The following ZMAT4 variants were observed in gnomAD, a reference collection of about 807,000 sequenced individuals.
ZMAT4 encodes the protein zinc finger matrin-type protein 4.
A neutral mutation model predicts 28.7 loss-of-function variants in ZMAT4; 17 were observed. The observed-to-expected ratio is 0.59, with a 90% CI of 0.41 to 0.89. ZMAT4 has a LOEUF of 0.89. Among genes scored for constraint, ZMAT4 ranks in the 40% least tolerant of loss-of-function variants. The pLI is 0.00. For synonymous variants in ZMAT4, 117 were observed against 109.2 expected (o/e 1.07, Z -0.44); for missense variants, 240 against 283.8 (o/e 0.85, Z 1.11).
intron 3 of ZMAT4, among the ~76,000 whole-genome samples, chr8:40,710,603 C>T (rs1193591276): frequency 6.6e-6 from 1 of 151,500 alleles, no homozygotes; most frequent in Non-Finnish European, 1.5e-5. Context: ...CAAAAAGAAA[C>T]CCAGCCTTTT....
chr8:40,865,071 G>A (rs1164710136), intron 1 of ZMAT4, among the ~76,000 whole-genome samples: 1 of 152,046 alleles, frequency 6.6e-6, no homozygotes, highest in Non-Finnish European at 1.5e-5. Flanking sequence ...AATCTTACTG[G>A]CAAATTTTGA....
intron 6 of ZMAT4, among the ~76,000 whole-genome samples, chr8:40,532,861 T>C (rs1802735440): frequency 6.6e-6 from 1 of 151,818 alleles, no homozygotes; most frequent in South Asian, 2.1e-4. Flanking sequence ...CTGGGCATGG[T>C]AGCATGCCTG....
At chr8:40,790,741 T>C (rs761756998) in intron 2 of ZMAT4, among the ~76,000 whole-genome samples, 19 of 152,220 alleles carry the variant, frequency 1.2e-4, no homozygotes, top group Non-Finnish European at 2.2e-4. Flanking sequence ...GCAATTCCAA[T>C]GAAAACCTCT....
At chr8:40,624,493 T>C (rs1806303410) in intron 5 of ZMAT4, among the ~76,000 whole-genome samples, 2 of 152,250 alleles carry the variant, frequency 1.3e-5, no homozygotes, top group Non-Finnish European at 2.9e-5. Flanking sequence ...TCCACCTTCC[T>C]TTCCAAATTA....
At chr8:40,753,753 A>G (rs774474828) in intron 3 of ZMAT4, among the ~76,000 whole-genome samples, 11 of 152,236 alleles carry the variant, frequency 7.2e-5, no homozygotes, top group Admixed American at 1.3e-4. Context: ...TGTATCACCT[A>G]CAAGGTGTGT....
chr8:40,830,517 T>A (rs1326742332), intron 1 of ZMAT4, among the ~76,000 whole-genome samples: 3 of 152,208 alleles, frequency 2.0e-5, no homozygotes. Flanking sequence ...TATTTCATTC[T>A]TTTTGTGGTT....
At chr8:40,855,675 A>G (rs996041518) in intron 1 of ZMAT4, among the ~76,000 whole-genome samples, 2 of 141,388 alleles carry the variant, frequency 1.4e-5, no homozygotes, top group South Asian at 2.3e-4. Context: ...TCTGTTCACC[A>G]AAACTTTTTT....
intron 1 of ZMAT4, among the ~76,000 whole-genome samples, chr8:40,839,900 C>A (rs915179462): frequency 6.6e-6 from 1 of 152,174 alleles, no homozygotes; most frequent in Non-Finnish European, 1.5e-5. Context: ...ATGCATGTAA[C>A]AAAACTGTGC....
chr8:40,612,866 G>A (rs1219216139), intron 5 of ZMAT4, among the ~76,000 whole-genome samples: 3 of 142,624 alleles, frequency 2.1e-5, no homozygotes, highest in Non-Finnish European at 4.5e-5. Flanking sequence ...AGGCTGGAGT[G>A]CAATGACGTG....
chr8:40,778,097 C>T (rs571183881), intron 2 of ZMAT4, among the ~76,000 whole-genome samples: 4 of 152,256 alleles, frequency 2.6e-5, no homozygotes, highest in African/African-American at 7.2e-5. Context: ...ACAAAACTCG[C>T]TTTAAACAGA....
intron 3 of ZMAT4, among the ~76,000 whole-genome samples, chr8:40,704,813 A>G (rs1045525090): frequency 1.8e-4 from 27 of 152,214 alleles, no homozygotes; most frequent in Admixed American, 5.2e-4. Flanking sequence ...GCTTTGTCTT[A>G]GGAAAAGGCC....
chr8:40,875,651 G>A lies in ZMAT4; in HGVS notation c.-5+22032C>T, dbSNP rs189837652. Reference sequence around the variant, plus strand: ...GGGTGTGTGAACTGACAGAGTCAGCGCTTCAGCCCCAGGGCACCGCCAAGC... The same window carrying A: ...GGGTGTGTGAACTGACAGAGTCAGCACTTCAGCCCCAGGGCACCGCCAAGC... On this transcript the variant is annotated intron_variant, in intron 1 of 6. Coordinates refer to ENST00000297737, the MANE Select transcript of ZMAT4 (RefSeq NM_024645.3). 1.6e-4 allele frequency among the ~76,000 whole-genome samples: 25 copies of A among 152,176 alleles called. No homozygotes were observed. The East Asian group carries it at 3.3e-3, about 20-fold the overall frequency.
intron 5 of ZMAT4, among the ~76,000 whole-genome samples, chr8:40,616,603 G>A (rs955940818): frequency 1.3e-5 from 2 of 152,090 alleles, no homozygotes; most frequent in Non-Finnish European, 2.9e-5. Context: ...GGATGAAGCT[G>A]GAAATCATCA....
intron 3 of ZMAT4, among the ~76,000 whole-genome samples, chr8:40,760,135 T>C (rs1223798121): frequency 6.6e-6 from 1 of 152,142 alleles, no homozygotes; most frequent in Non-Finnish European, 1.5e-5. Flanking sequence ...CCTTTCCCTA[T>C]AATCGACTGA....
chr8:40,815,880 G>C (rs1815512434), intron 2 of ZMAT4, among the ~76,000 whole-genome samples: 1 of 152,238 alleles, frequency 6.6e-6, no homozygotes, highest in South Asian at 2.1e-4. Context: ...TAATAAAATG[G>C]GCATCAGCTT....
At chr8:40,598,354 C>T (rs1291329583) in intron 5 of ZMAT4, among the ~76,000 whole-genome samples, 3 of 152,138 alleles carry the variant, frequency 2.0e-5, no homozygotes, top group South Asian at 2.1e-4. Context: ...CTAATGCTCT[C>T]GCTTCCCTCA....
At chr8:40,888,243 G>T (rs1818542223) in intron 1 of ZMAT4, among the ~76,000 whole-genome samples, 1 of 152,172 alleles carries the variant, frequency 6.6e-6, no homozygotes, top group African/African-American at 2.4e-5. Context: ...GACAGGTAGG[G>T]CTGTATTTGC....
At chr8:40,741,594 C>A (rs1812006172) in intron 3 of ZMAT4, among the ~76,000 whole-genome samples, 1 of 151,986 alleles carries the variant, frequency 6.6e-6, no homozygotes. Context: ...TTAACAATAT[C>A]ATTTGTGAAG....
At chr8:40,599,381 ATATATGTGTG>A in intron 5 of ZMAT4, among the ~76,000 whole-genome samples, 1 of 149,406 alleles carries the variant, frequency 6.7e-6, no homozygotes, top group East Asian at 1.9e-4. Flanking sequence ...CACAGCACAT[ATATATGTGTG>A]TGTGTATATA....
Sources: gnomAD v4.1 joint callset for allele counts (sites outside exome capture counted in the v4.1 genomes callset) on GRCh38, gnomAD v4.1.1 for gene constraint, MANE v1.5 for transcripts, NCBI Gene and HGNC (gene_info 2026-07-23, HGNC 2026-07-21) for gene names.